The following RBFOX1 variants were observed in gnomAD, a reference collection of about 807,000 sequenced individuals.
RBFOX1 encodes RNA binding fox-1 homolog 1.
In RBFOX1, 8 loss-of-function variants were observed where a neutral mutation model predicts 57.7. The observed-to-expected ratio is 0.14, with a 90% CI of 0.08 to 0.25. The LOEUF is 0.25. RBFOX1 is among the 10% of genes least tolerant of loss of function. The pLI, the probability that RBFOX1 is intolerant of heterozygous loss-of-function variation, is 1.00. For synonymous variants in RBFOX1, 326 were observed against 222.4 expected (o/e 1.47, Z -4.15); for missense variants, 611 against 548.5 (o/e 1.11, Z -1.14).
At chr16:5,650,146 T>A (rs2049186825) in intron 3 of RBFOX1, among the ~76,000 whole-genome samples, 1 of 152,214 alleles carries the variant, frequency 6.6e-6, no homozygotes, top group Non-Finnish European at 1.5e-5. Context: ...CTCAACAGCC[T>A]CCAGCCCCCA....
intron 4 of RBFOX1, among the ~76,000 whole-genome samples, chr16:7,320,721 T>A (rs941139899): frequency 2.0e-5 from 3 of 152,216 alleles, no homozygotes; most frequent in Non-Finnish European, 4.4e-5. Context: ...TATAAACAGA[T>A]GTGATTGTAA....
intron 4 of RBFOX1, among the ~76,000 whole-genome samples, chr16:7,397,115 T>A (rs1030712295): frequency 1.3e-5 from 2 of 152,204 alleles, no homozygotes; most frequent in South Asian, 4.1e-4. Flanking sequence ...GCATGAGTGA[T>A]CATGATCTCT....
intron 2 of RBFOX1, among the ~76,000 whole-genome samples, chr16:6,474,928 G>C (rs9923808): frequency 0.33 from 49,968 of 152,030 alleles, 8,565 homozygotes; most frequent in African/African-American, 0.41. Flanking sequence ...TAAAGAGAAA[G>C]TGTGTAGCAT....
chr16:7,242,398 GAA>G (rs1442145600), intron 4 of RBFOX1, among the ~76,000 whole-genome samples: 2 of 152,178 alleles, frequency 1.3e-5, no homozygotes, highest in African/African-American at 4.8e-5. Flanking sequence ...GCTTGGGCAA[GAA>G]ACTAGATCTC....
In RBFOX1 at chr16:6,830,968, T is replaced by C. The variant is rs1891318055; in HGVS notation, c.-16+176318T>C. Among the ~76,000 whole-genome samples, 5 of 152,222 alleles carry C rather than the reference T, an allele frequency of 3.3e-5. No individual in the cohort carries two copies. In the South Asian group the frequency reaches 8.3e-4, roughly 25 times the overall value. The stretch of plus-strand genomic sequence containing the variant: ...ATGGATATTTTATTTAATTGCGATA[T>C]GTAAAGTTCTCCAAATGTGGATGCC... On this transcript the variant is annotated intron_variant, in intron 3 of 15. Transcript: ENST00000550418.
intron 3 of RBFOX1, among the ~76,000 whole-genome samples, chr16:6,999,162 C>T (rs539741936): frequency 1.5e-4 from 20 of 129,622 alleles, no homozygotes; most frequent in Admixed American, 5.1e-4. Flanking sequence ...AGCCACTGAG[C>T]CTGGCCTTTT....
At chr16:5,959,422 G>A (rs1019235573) in intron 4 of RBFOX1, among the ~76,000 whole-genome samples, 1 of 152,124 alleles carries the variant, frequency 6.6e-6, no homozygotes, top group Non-Finnish European at 1.5e-5. Flanking sequence ...TTCTACACAC[G>A]TCATTCCATT....
intron 4 of RBFOX1, among the ~76,000 whole-genome samples, chr16:7,390,234 A>G (rs1323723734): frequency 2.0e-5 from 3 of 152,186 alleles, no homozygotes; most frequent in Admixed American, 2.0e-4. Flanking sequence ...AACACTGAGA[A>G]CTACAGCTGG....
At chr16:7,306,809 CCAGA>C in intron 4 of RBFOX1, among the ~76,000 whole-genome samples, 1 of 152,260 alleles carries the variant, frequency 6.6e-6, no homozygotes, top group South Asian at 2.1e-4. Context: ...ATTTAGCATT[CCAGA>C]CAATCGGCTG....
chr16:5,616,820 CTCT>C (rs1030283270), intron 3 of RBFOX1, among the ~76,000 whole-genome samples: 1 of 149,778 alleles, frequency 6.7e-6, no homozygotes, highest in Non-Finnish European at 1.5e-5. Context: ...CTCCTCCATC[CTCT>C]TCTTTCTCTT....
chr16:6,557,110 T>C (rs539503115), intron 2 of RBFOX1, among the ~76,000 whole-genome samples: 2 of 139,218 alleles, frequency 1.4e-5, no homozygotes, highest in African/African-American at 5.4e-5. Flanking sequence ...TACATACATA[T>C]ATACATATAT....
chr16:6,422,294 A>G (rs915979932), intron 2 of RBFOX1, among the ~76,000 whole-genome samples: 5 of 149,640 alleles, frequency 3.3e-5, no homozygotes, highest in East Asian at 2.0e-4. Context: ...GGTTTGTTAC[A>G]TGGGTGTACT....
At chr16:6,914,024 C>A (rs992700276) in intron 3 of RBFOX1, among the ~76,000 whole-genome samples, 1 of 152,146 alleles carries the variant, frequency 6.6e-6, no homozygotes, top group Non-Finnish European at 1.5e-5. Context: ...TAGCCAGAAA[C>A]ATTAAGCAAA....
At chr16:7,536,852 G>C (rs1021161050) in intron 5 of RBFOX1, among the ~76,000 whole-genome samples, 1 of 152,214 alleles carries the variant, frequency 6.6e-6, no homozygotes, top group Non-Finnish European at 1.5e-5. Flanking sequence ...TTTTCTGTCT[G>C]CTTTTCTGGA....
intron 2 of RBFOX1, among the ~76,000 whole-genome samples, chr16:6,504,203 A>C (rs17442566): frequency 0.28 from 42,563 of 152,142 alleles, 7,292 homozygotes; most frequent in Non-Finnish European, 0.39. Flanking sequence ...GCAAGCCTGC[A>C]TGATAGAGCT....
At chr16:7,306,618 T>G (rs1301721266) in intron 4 of RBFOX1, among the ~76,000 whole-genome samples, 1 of 151,684 alleles carries the variant, frequency 6.6e-6, no homozygotes, top group African/African-American at 2.4e-5. Context: ...TTCTCTGAGC[T>G]TCACTGAATA....
chr16:6,562,888 T>TTC (rs2097202007), intron 2 of RBFOX1, among the ~76,000 whole-genome samples: 17 of 90,882 alleles, frequency 1.9e-4, no homozygotes, highest in African/African-American at 5.3e-4. Context: ...TTCTTTTTTT[T>TTC]TTTTTTTTTT....
intron 3 of RBFOX1, among the ~76,000 whole-genome samples, chr16:5,862,701 A>G (rs1440802078): frequency 6.6e-6 from 1 of 152,154 alleles, no homozygotes; most frequent in South Asian, 2.1e-4. Flanking sequence ...AGTGAGCTCT[A>G]TCCCTTGAAT....
chr16:6,489,485 G>A (rs144249725), intron 2 of RBFOX1, among the ~76,000 whole-genome samples: 1 of 152,222 alleles, frequency 6.6e-6, no homozygotes, highest in African/African-American at 2.4e-5. Context: ...TGAGTAATCT[G>A]TATGAGATCA....
Sources: allele counts gnomAD v4.1 joint callset (sites outside exome capture counted in the v4.1 genomes callset), GRCh38; gene constraint gnomAD v4.1.1; transcripts MANE v1.5; gene names NCBI Gene and HGNC (gene_info 2026-07-23, HGNC 2026-07-21).